IL1RL1: variants seen among roughly 807,000 people sequenced by gnomAD.
IL1RL1 encodes the protein interleukin 1 receptor like 1.
In IL1RL1, 32 loss-of-function variants were observed where a neutral mutation model predicts 50.9. That is an observed-to-expected ratio of 0.63 (90% CI 0.47 to 0.84). The LOEUF (loss-of-function observed/expected upper bound fraction) is 0.84. Ranked by LOEUF, IL1RL1 falls within the 40% of genes least tolerant of loss-of-function variation. The pLI is 0.00. For missense variants in IL1RL1, 773 were observed against 662.9 expected, an observed-to-expected ratio of 1.17 and a Z score of -1.82; for synonymous variants, 275 against 236.0, an observed-to-expected ratio of 1.17 and a Z score of -1.51.
At chr2:102,324,440 G>A (rs993978740) in intron 1 of IL1RL1, among the ~76,000 whole-genome samples, 1 of 152,220 alleles carries the variant, frequency 6.6e-6, no homozygotes, top group African/African-American at 2.4e-5. Flanking sequence ...CAGAAGACAG[G>A]TGATTTCTGC....
chr2:102,345,373 T>C (rs1677746318), intron 8 of IL1RL1: 2 of 985,298 alleles, frequency 2.0e-6, no homozygotes, highest in Admixed American at 6.1e-5. Flanking sequence ...ATATGAAGCA[T>C]TGTATCCCGT....
At chr2:102,334,773 T>A (rs546605670) in intron 1 of IL1RL1, among the ~76,000 whole-genome samples, 32 of 152,326 alleles carry the variant, frequency 2.1e-4, no homozygotes, top group African/African-American at 7.5e-4. Context: ...TACATTTCAG[T>A]GTGATATCTG....
chr2:102,337,916 G>A (rs985523), intron 1 of IL1RL1, among the ~76,000 whole-genome samples, 200 bp from the exon 2 acceptor site: 16,299 of 152,112 alleles, frequency 0.11, 944 homozygotes, highest in Non-Finnish European at 0.13. Flanking sequence ...CTGTGAAATA[G>A]CATGATCATT....
rs1238364916 is a variant in IL1RL1, at chr2:102,311,961, T to A, written c.-150+338T>A. ...ATATAATATTATATATAATATATAT[T>A]ATATATAATATTATATATAATATAT... On this transcript the variant is annotated intron_variant, in intron 1 of 10. Coordinates refer to ENST00000233954, the MANE Select transcript of IL1RL1 (RefSeq NM_016232.5). Among the ~76,000 whole-genome samples the A allele has an allele frequency of 4.2e-4, 13 of 31,108 alleles. 2 individuals are homozygous for A. The highest frequency in any genetic ancestry group is 8.3e-4 in the African/African-American group (5 of 6,030). 20.4% of individuals were successfully genotyped at this position (31,108 alleles called of 152,430 possible).
At chr2:102,315,364 T>C (rs368334815) in intron 1 of IL1RL1, among the ~76,000 whole-genome samples, 1 of 152,222 alleles carries the variant, frequency 6.6e-6, no homozygotes, top group Non-Finnish European at 1.5e-5. Context: ...AAATATCATG[T>C]ACCTTTTGCT....
intron 1 of IL1RL1, among the ~76,000 whole-genome samples, chr2:102,334,593 G>GAA (rs61116246): frequency 7.9e-5 from 12 of 151,454 alleles, no homozygotes; most frequent in East Asian, 7.8e-4. Context: ...GAAATGAGGG[G>GAA]AAAAAAAACA....
intron 1 of IL1RL1, among the ~76,000 whole-genome samples, chr2:102,332,387 T>C (rs1215655925): frequency 6.6e-6 from 1 of 152,094 alleles, no homozygotes; most frequent in East Asian, 1.9e-4. Flanking sequence ...AAATAGTCAA[T>C]AGCTAGAAGC....
At chr2:102,329,115 AG>A (rs1475009024) in intron 1 of IL1RL1, among the ~76,000 whole-genome samples, 10 of 152,226 alleles carry the variant, frequency 6.6e-5, no homozygotes, top group African/African-American at 2.4e-4. Context: ...TAACCAAAAC[AG>A]CATGGTACTT....
chr2:102,344,741 T>A, intron 8 of IL1RL1: 1 of 943,436 alleles, frequency 1.1e-6, no homozygotes, highest in Non-Finnish European at 1.3e-6. Flanking sequence ...TACCAAATGT[T>A]TTTTTTGTGT....
intron 1 of IL1RL1, 22 bp from the exon 2 acceptor site, chr2:102,338,094 T>G: frequency 2.3e-6 from 1 of 435,200 alleles, no homozygotes; most frequent in Non-Finnish European, 4.2e-6. Context: ...CTGTTTATGG[T>G]TTTGTCTAAC....
chr2:102,339,523 G>T (rs903478131), intron 3 of IL1RL1: 3 of 155,746 alleles, frequency 1.9e-5, no homozygotes, highest in Non-Finnish European at 2.8e-5. Context: ...TGATTTTGTG[G>T]CTGTATTTGG....
Position 102,351,699 on chromosome 2 carries a change from G to C in IL1RL1, c.1449G>C (p.Glu483Asp), listed in dbSNP as rs151022743. The change falls in exon 11 of 11, where the codon GAG becomes GAC. Residue 483 changes from glutamate to aspartate, a missense_variant. By Grantham distance (45) the Glu-to-Asp change is conservative (BLOSUM62 2). Coordinates refer to ENST00000233954, the MANE Select transcript of IL1RL1 (RefSeq NM_016232.5). ...CCAAGGTGATACTTATTGAGATGGA[G>C]GCTCTGAGCGAGCTGGACATGCTGC... ...NDAKVILIEM[E>D]ALSELDMLQA... 650 of 1,614,122 alleles carry C rather than the reference G, an allele frequency of 4.0e-4. No individual in the cohort carries two copies. The African/African-American group carries it at 7.8e-3, about 19-fold the overall frequency.
At position 102,351,724 on chromosome 2, in the gene IL1RL1, C is replaced by T. The variant is rs1448917448; in HGVS notation, c.1474C>T (p.Gln492Ter). ...MEALSELDML[Q>*]AEALQDSLQH... ...GGCTCTGAGCGAGCTGGACATGCTG[C>T]AGGCTGAGGCGCTTCAGGACTCCCT... Residue 492 changes from glutamine (Q) to a stop codon, truncating the protein, a stop_gained, in exon 11 of 11, where the codon CAG (glutamine) becomes TAG (stop). Coordinates refer to ENST00000233954, the MANE Select transcript of IL1RL1 (RefSeq NM_016232.5). LOFTEE classifies it low-confidence loss of function (END_TRUNC). 3.1e-6 allele frequency: 5 copies of T among 1,613,952 alleles called. No individual in the cohort carries two copies. Among genetic ancestry groups the T allele is most frequent in the East Asian group, 2.2e-5 (1 of 44,896 alleles).
intron 1 of IL1RL1, among the ~76,000 whole-genome samples, chr2:102,315,030 C>T (rs958587927): frequency 6.6e-6 from 1 of 152,162 alleles, no homozygotes; most frequent in Non-Finnish European, 1.5e-5. Context: ...CTTTGCTTTC[C>T]CTTGGTACTG....
intron 1 of IL1RL1, among the ~76,000 whole-genome samples, chr2:102,318,089 A>G (rs541444089): frequency 6.6e-6 from 1 of 152,252 alleles, no homozygotes; most frequent in South Asian, 2.1e-4. Flanking sequence ...CATTGCAAGC[A>G]ATTTGGCTTT....
At chr2:102,314,087 G>A (rs1676600997) in intron 1 of IL1RL1, among the ~76,000 whole-genome samples, 1 of 152,138 alleles carries the variant, frequency 6.6e-6, no homozygotes, top group South Asian at 2.1e-4. Context: ...GTGGGCCAAG[G>A]GTAGGATGGC....
intron 8 of IL1RL1, chr2:102,343,959 T>G (rs1677686201): frequency 1.1e-6 from 1 of 951,062 alleles, no homozygotes; most frequent in Admixed American, 5.5e-5. Context: ...TAGGCCATTC[T>G]TGCATTGATA....
At chr2:102,316,129 G>A (rs1044545294) in intron 1 of IL1RL1, among the ~76,000 whole-genome samples, 1 of 152,064 alleles carries the variant, frequency 6.6e-6, no homozygotes, top group Non-Finnish European at 1.5e-5. Context: ...TCTTAAATCT[G>A]ATATTCACAT....
At position 102,329,681 on chromosome 2, in the gene IL1RL1, T is replaced by A. The variant is rs192487551; in HGVS notation, c.-149-8435T>A. Among the ~76,000 whole-genome samples the A allele has an allele frequency of 4.8e-3, 728 of 152,244 alleles. 5 individuals carry two copies. The highest frequency in any genetic ancestry group is 6.4e-3 in the South Asian group (31 of 4,820). ...ACCCCATCAAAAAGTGGGCAAAGGA[T>A]ATGAACAGACACTTCTCAAAATAAG... On this transcript the variant is annotated intron_variant, in intron 1 of 10. Coordinates refer to ENST00000233954, the MANE Select transcript of IL1RL1 (RefSeq NM_016232.5).
Sources: allele counts gnomAD v4.1 joint callset (sites outside exome capture counted in the v4.1 genomes callset), GRCh38; gene constraint gnomAD v4.1.1; transcripts MANE v1.5; gene names NCBI Gene and HGNC (gene_info 2026-07-23, HGNC 2026-07-21).